The following DLGAP1 variants were observed in gnomAD, a reference collection of about 807,000 sequenced individuals.
DLGAP1 encodes DLG associated protein 1, also known as disks large-associated protein 1.
In DLGAP1, 11 loss-of-function variants were observed where a neutral mutation model predicts 90.8. That is an observed-to-expected ratio of 0.12 (90% CI 0.08 to 0.20). The LOEUF is 0.20. Ranked by LOEUF, DLGAP1 falls within the 10% of genes least tolerant of loss-of-function variation. The pLI is 1.00. For synonymous variants in DLGAP1, 558 were observed against 540.7 expected, an observed-to-expected ratio of 1.03 and a Z score of -0.44; for missense variants, 1,050 against 1,333.8, an observed-to-expected ratio of 0.79 and a Z score of 3.31.
At chr18:3,862,010 C>T (rs2070097534) in intron 4 of DLGAP1, among the ~76,000 whole-genome samples, 1 of 152,206 alleles carries the variant, frequency 6.6e-6, no homozygotes, top group African/African-American at 2.4e-5. Flanking sequence ...GACACTTGTA[C>T]ATCAATCATG....
At chr18:3,629,237 A>G (rs531938284) in intron 7 of DLGAP1, among the ~76,000 whole-genome samples, 2 of 152,110 alleles carry the variant, frequency 1.3e-5, no homozygotes, top group Non-Finnish European at 2.9e-5. Context: ...ACACAGCAAG[A>G]CGCCATCTCT....
intron 10 of DLGAP1, among the ~76,000 whole-genome samples, chr18:3,519,243 A>G (rs1236748724): frequency 6.6e-6 from 1 of 152,156 alleles, no homozygotes. Context: ...AACAAGGTCC[A>G]CCTTCAGGTA....
At position 4,223,611 on chromosome 18, in the gene DLGAP1, A is replaced by C. The variant is rs112327344; in HGVS notation, c.-266-72324T>G. Reference sequence around the variant, plus strand: ...ATCATTTATTTTAATAAATCTCAAGATTATGTAACAACAATAGATATTAAA... The same window carrying C: ...ATCATTTATTTTAATAAATCTCAAGCTTATGTAACAACAATAGATATTAAA... On this transcript the variant is annotated intron_variant, in intron 1 of 12. Transcript: ENST00000315677. Among the ~76,000 whole-genome samples the C allele has an allele frequency of 4.0e-3, 602 of 152,326 alleles. 3 individuals carry two copies. The highest frequency in any genetic ancestry group is 0.013 in the African/African-American group (552 of 41,586).
intron 1 of DLGAP1, among the ~76,000 whole-genome samples, chr18:4,203,850 G>C (rs1040536555): frequency 2.6e-5 from 4 of 152,160 alleles, no homozygotes; most frequent in Non-Finnish European, 5.9e-5. Flanking sequence ...ATGAACACAG[G>C]GTGCTTTGAG....
chr18:4,020,339 C>T (rs189978006), intron 2 of DLGAP1, among the ~76,000 whole-genome samples: 35 of 152,256 alleles, frequency 2.3e-4, no homozygotes, highest in Admixed American at 2.3e-3. Context: ...TTTGGTTTAT[C>T]GTCCCAAGGT....
At chr18:3,862,645 A>G (rs2070146717) in intron 4 of DLGAP1, among the ~76,000 whole-genome samples, 1 of 152,234 alleles carries the variant, frequency 6.6e-6, no homozygotes, top group African/African-American at 2.4e-5. Context: ...AGTGACTAAT[A>G]AAAGGTGGCT....
At chr18:3,596,865 C>T (rs374468394) in intron 7 of DLGAP1, 23 of 519,958 alleles carry the variant, frequency 4.4e-5, no homozygotes, top group Non-Finnish European at 8.1e-5. Context: ...AGAGCCCCCT[C>T]GTGTTTGATG....
At position 3,502,631 on chromosome 18, in the gene DLGAP1, A is replaced by G; in HGVS notation, c.2586T>C (p.His862=). The change falls in exon 12 of 13, where the codon CAT becomes CAC. Residue 862 remains histidine, a synonymous_variant. Coordinates refer to ENST00000315677, the MANE Select transcript of DLGAP1 (RefSeq NM_004746.4). Reference sequence around the variant, plus strand: ...CCAAATCCTGGGAGGTGGGTCTTGGATGAGCATTAGGATTCTGCACAAGAG... The same window carrying G: ...CCAAATCCTGGGAGGTGGGTCTTGGGTGAGCATTAGGATTCTGCACAAGAG... The part of the protein sequence containing the change: ...LCEENLNPNA[H]PRPTSQDLAG... The G allele has an allele frequency of 6.2e-7, 1 of 1,613,972 alleles. No individual in the cohort carries two copies. The highest frequency in any genetic ancestry group is 8.5e-7 in the Non-Finnish European group (1 of 1,179,990).
At chr18:3,985,786 G>C (rs1452490067) in intron 3 of DLGAP1, among the ~76,000 whole-genome samples, 1 of 152,008 alleles carries the variant, frequency 6.6e-6, no homozygotes, top group Non-Finnish European at 1.5e-5. Flanking sequence ...TGAGTCATTT[G>C]CTTAACTAAA....
intron 7 of DLGAP1, among the ~76,000 whole-genome samples, chr18:3,664,866 C>T (rs989588499): frequency 2.0e-5 from 3 of 152,208 alleles, no homozygotes; most frequent in African/African-American, 7.2e-5. Flanking sequence ...TAAAGACTCC[C>T]TTCTCACCAT....
At chr18:4,175,345 A>C (rs961161913) in intron 1 of DLGAP1, among the ~76,000 whole-genome samples, 1 of 152,012 alleles carries the variant, frequency 6.6e-6, no homozygotes, top group African/African-American at 2.4e-5. Flanking sequence ...AGATTGCAAA[A>C]ATTTTCTCCC....
At chr18:4,007,095 C>T (rs1568347663) in intron 2 of DLGAP1, among the ~76,000 whole-genome samples, 1 of 152,156 alleles carries the variant, frequency 6.6e-6, no homozygotes, top group Non-Finnish European at 1.5e-5. Context: ...CCATGCTAAG[C>T]ACTCAATACA....
At chr18:4,142,362 C>CT (rs2076508576) in intron 2 of DLGAP1, among the ~76,000 whole-genome samples, 1 of 152,078 alleles carries the variant, frequency 6.6e-6, no homozygotes, top group South Asian at 2.1e-4. Context: ...TTGTGAAGGC[C>CT]TGGGTAGTCC....
Position 4,409,509 on chromosome 18 carries a change from G to T in DLGAP1, c.-267+45497C>A, listed in dbSNP as rs184566996. ...ACACATTTTTCTTTCTGAAGATAGT[G>T]AGGGATATAAAATTAATATCGATGA... On this transcript the variant is annotated intron_variant, in intron 1 of 12. Coordinates refer to ENST00000315677, the MANE Select transcript of DLGAP1 (RefSeq NM_004746.4). Among the ~76,000 whole-genome samples the T allele has an allele frequency of 1.5e-3, 221 of 152,248 alleles. 1 individual carries two copies. The highest frequency in any genetic ancestry group is 4.9e-3 in the African/African-American group (203 of 41,552).
At chr18:4,022,723 G>A (rs1261201828) in intron 2 of DLGAP1, among the ~76,000 whole-genome samples, 1 of 152,036 alleles carries the variant, frequency 6.6e-6, no homozygotes, top group Non-Finnish European at 1.5e-5. Flanking sequence ...TTGGTGGATT[G>A]TTGGGTGTAT....
intron 5 of DLGAP1, among the ~76,000 whole-genome samples, chr18:3,749,145 C>CTTCT (rs1172125103): frequency 7.2e-6 from 1 of 139,572 alleles, no homozygotes; most frequent in African/African-American, 2.8e-5. Context: ...CCTTCTTCTT[C>CTTCT]TTCTTTTTTT....
At chr18:3,997,723 T>C (rs1014470468) in intron 3 of DLGAP1, among the ~76,000 whole-genome samples, 14 of 152,036 alleles carry the variant, frequency 9.2e-5, no homozygotes, top group African/African-American at 1.7e-4. Flanking sequence ...TTAATTTTAA[T>C]AATATAATTT....
chr18:3,529,263 C>T (rs1409538865), intron 10 of DLGAP1, among the ~76,000 whole-genome samples: 1 of 152,180 alleles, frequency 6.6e-6, no homozygotes, highest in Admixed American at 6.5e-5. Context: ...AGCTTGTCTG[C>T]TGCCTCCATC....
chr18:3,768,084 G>A (rs1379848750), intron 5 of DLGAP1, among the ~76,000 whole-genome samples: 2 of 152,022 alleles, frequency 1.3e-5, no homozygotes, highest in Non-Finnish European at 2.9e-5. Flanking sequence ...AAAACTTCTG[G>A]AACTAAGTGA....
Sources: allele counts gnomAD v4.1 joint callset (sites outside exome capture counted in the v4.1 genomes callset), GRCh38; gene constraint gnomAD v4.1.1; transcripts MANE v1.5; gene names NCBI Gene and HGNC (gene_info 2026-07-23, HGNC 2026-07-21).